PDK1: variants seen among roughly 807,000 people sequenced by gnomAD.
PDK1 encodes the protein pyruvate dehydrogenase kinase 1.
In PDK1, 39 loss-of-function variants were observed where a neutral mutation model predicts 54.2. That is an observed-to-expected ratio of 0.72 (90% CI 0.56 to 0.94). The LOEUF (loss-of-function observed/expected upper bound fraction) is 0.94, where lower values mean the gene tolerates loss of function less well. PDK1 is among the 40% of genes least tolerant of loss of function. PDK1 has a pLI of 0.00. For synonymous variants in PDK1, 221 were observed against 207.1 expected, an observed-to-expected ratio of 1.07 and a Z score of -0.58; for missense variants, 552 against 566.0, an observed-to-expected ratio of 0.98 and a Z score of 0.25.
chr2:172,664,695 T>A, the PDK1 span, among the ~76,000 whole-genome samples: 1 of 149,798 alleles, frequency 6.7e-6, no homozygotes, highest in East Asian at 1.9e-4. Context: ...CTGTCTTCCA[T>A]GTCTGCTACT....
At chr2:172,570,061 A>G (rs971937776) in intron 7 of PDK1, among the ~76,000 whole-genome samples, 2 of 152,198 alleles carry the variant, frequency 1.3e-5, no homozygotes, top group Non-Finnish European at 2.9e-5. Context: ...AGAGGACTCA[A>G]TCGCAATTGC....
chr2:172,587,936 GAC>G (rs1272152855), intron 9 of PDK1, among the ~76,000 whole-genome samples: 1 of 152,112 alleles, frequency 6.6e-6, no homozygotes, highest in Non-Finnish European at 1.5e-5. Context: ...CCTTTAGCTA[GAC>G]ACAGAGTGCT....
chr2:172,566,733 C>CA (rs1688973160), intron 5 of PDK1, 123 bp from the exon 6 acceptor site: 1 of 348,534 alleles, frequency 2.9e-6, no homozygotes, highest in Middle Eastern at 8.7e-4. Context: ...ACCAAACTAT[C>CA]AAAGTATATT....
chr2:172,621,894 G>GATATATGTTTATATCTCATATA, the PDK1 span, among the ~76,000 whole-genome samples: 11 of 109,542 alleles, frequency 1.0e-4, 1 homozygote, highest in African/African-American at 3.1e-4. Flanking sequence ...TATCTCATAT[G>GATATATGTTTATATCTCATATA]TATGATATAT....
the PDK1 span, among the ~76,000 whole-genome samples, chr2:172,660,522 G>T: frequency 1.3e-5 from 2 of 151,894 alleles, no homozygotes; most frequent in Non-Finnish European, 2.9e-5. Flanking sequence ...CTCCCAAAGT[G>T]CTAAGATTAC....
downstream of PDK1, among the ~76,000 whole-genome samples, chr2:172,611,142 C>T (rs1691449465): frequency 6.6e-6 from 1 of 152,144 alleles, no homozygotes; most frequent in Non-Finnish European, 1.5e-5. Context: ...CTCAACATCA[C>T]ATTCAGCAAT....
At position 172,593,010 on chromosome 2, in the gene PDK1, C is replaced by T; in HGVS notation, c.1132C>T (p.Leu378=). The T allele has an allele frequency of 1.2e-6, 2 of 1,608,196 alleles. No individual in the cohort carries two copies. Among genetic ancestry groups the T allele is most frequent in the Admixed American group, 1.7e-5 (1 of 59,972 alleles). Residue 378 remains leucine, a synonymous_variant, in exon 10 of 11, where the codon CTA becomes TTA. Transcript: ENST00000282077. ...CCAAGGAGACCTGAAGCTGTATTCC[C>T]TAGAGGGTTACGGGACAGATGCAGT... ...YFQGDLKLYS[L]EGYGTDAVIY...
At chr2:172,686,170 A>G in the PDK1 span, among the ~76,000 whole-genome samples, 8 of 152,216 alleles carry the variant, frequency 5.3e-5, no homozygotes, top group African/African-American at 1.7e-4. Flanking sequence ...CTCTCAAAGG[A>G]TATCAACAGG....
chr2:172,688,401 C>T, the PDK1 span, among the ~76,000 whole-genome samples: 1 of 152,148 alleles, frequency 6.6e-6, no homozygotes, highest in African/African-American at 2.4e-5. Context: ...AGGTTAACTA[C>T]CTTGTGCCAG....
chr2:172,562,378 A>G, intron 3 of PDK1, 87 bp downstream of exon 3: 1 of 817,950 alleles, frequency 1.2e-6, no homozygotes, highest in Non-Finnish European at 2.1e-6. Flanking sequence ...CTACTACTTT[A>G]GAACATGTGA....
the PDK1 span, among the ~76,000 whole-genome samples, chr2:172,636,180 C>G: frequency 6.6e-6 from 1 of 152,206 alleles, no homozygotes; most frequent in African/African-American, 2.4e-5. Flanking sequence ...ATCTGTTTTG[C>G]TTTGCTATAA....
At chr2:172,620,404 G>A in the PDK1 span, among the ~76,000 whole-genome samples, 1 of 152,232 alleles carries the variant, frequency 6.6e-6, no homozygotes, top group African/African-American at 2.4e-5. Context: ...TAGAGGGGAC[G>A]GTGGAAACGA....
At chr2:172,711,979 A>T in the PDK1 span, among the ~76,000 whole-genome samples, 1 of 150,898 alleles carries the variant, frequency 6.6e-6, no homozygotes. Flanking sequence ...TGTTGTTGTT[A>T]AAAGATGTTA....
intron 10 of PDK1, among the ~76,000 whole-genome samples, chr2:172,593,359 A>G (rs572903138): frequency 6.6e-6 from 1 of 152,320 alleles, no homozygotes; most frequent in South Asian, 2.1e-4. Flanking sequence ...TGATAACGCC[A>G]AACTTTTGAT....
intron 8 of PDK1, among the ~76,000 whole-genome samples, chr2:172,575,872 A>C (rs148416233): frequency 6.6e-6 from 1 of 152,092 alleles, no homozygotes; most frequent in Non-Finnish European, 1.5e-5. Context: ...TTTGATATCT[A>C]TTTAGATTGT....
chr2:172,709,209 GGA>G, the PDK1 span, among the ~76,000 whole-genome samples: 1 of 152,244 alleles, frequency 6.6e-6, no homozygotes, highest in South Asian at 2.1e-4. Flanking sequence ...CTTTTCTCCT[GGA>G]GTCCTAGCCT....
chr2:172,683,069 G>A, the PDK1 span, among the ~76,000 whole-genome samples: 9 of 152,196 alleles, frequency 5.9e-5, no homozygotes, highest in African/African-American at 1.9e-4. Context: ...TAAAGAGGCT[G>A]GGCATGGGGG....
the PDK1 span, among the ~76,000 whole-genome samples, chr2:172,627,340 CTG>C: frequency 6.6e-6 from 1 of 151,992 alleles, no homozygotes; most frequent in African/African-American, 2.4e-5. Context: ...ATAAAATACT[CTG>C]TTGTGCCAAA....
intron 1 of PDK1, among the ~76,000 whole-genome samples, chr2:172,557,655 TTA>T (rs892738587): frequency 2.5e-4 from 37 of 148,296 alleles, no homozygotes; most frequent in Admixed American, 8.6e-4. Flanking sequence ...GTATTTTTTT[TTA>T]AAAATAGAAA....
Sources: gnomAD v4.1 joint callset for allele counts (sites outside exome capture counted in the v4.1 genomes callset) on GRCh38, gnomAD v4.1.1 for gene constraint, MANE v1.5 for transcripts, NCBI Gene and HGNC (gene_info 2026-07-23, HGNC 2026-07-21) for gene names.